Variants in CPNE4 observed in about 807,000 individuals in gnomAD.
CPNE4 encodes the protein copine 4, also known as copine-4.
In CPNE4, 25 loss-of-function variants were observed where a neutral mutation model predicts 67.9. The ratio of observed to expected loss-of-function variants is 0.37; its 90% CI spans 0.27 to 0.51. The LOEUF (loss-of-function observed/expected upper bound fraction) is 0.51. Ranked by LOEUF, CPNE4 falls within the 20% of genes least tolerant of loss-of-function variation. The probability of loss-of-function intolerance (pLI) is 0.93; values close to 1 mark genes in which losing one functional copy is unlikely to be tolerated. For synonymous variants in CPNE4, 242 were observed against 244.9 expected, an observed-to-expected ratio of 0.99 and a Z score of 0.11; for missense variants, 464 against 690.8, an observed-to-expected ratio of 0.67 and a Z score of 3.68.
chr3:131,896,890 G>A (rs1033613581), intron 2 of CPNE4, among the ~76,000 whole-genome samples: 1 of 152,018 alleles, frequency 6.6e-6, no homozygotes, highest in Non-Finnish European at 1.5e-5. Flanking sequence ...AGGAATACTT[G>A]CTCTAAAATC....
chr3:131,854,422 T>C (rs947406873), intron 2 of CPNE4, among the ~76,000 whole-genome samples: 2 of 151,910 alleles, frequency 1.3e-5, no homozygotes, highest in Non-Finnish European at 2.9e-5. Context: ...AACTATTCTA[T>C]ATATTGTTTT....
intron 2 of CPNE4, among the ~76,000 whole-genome samples, chr3:131,891,666 C>T (rs942216490): frequency 3.9e-5 from 6 of 152,080 alleles, no homozygotes; most frequent in Non-Finnish European, 8.8e-5. Context: ...TAAGTGAGAA[C>T]AGGTGGTATT....
intron 2 of CPNE4, among the ~76,000 whole-genome samples, chr3:131,836,771 T>A (rs1003828584): frequency 6.6e-6 from 1 of 152,198 alleles, no homozygotes; most frequent in African/African-American, 2.4e-5. Context: ...GGCACTGTTA[T>A]GAGAATGAAA....
intron 11 of CPNE4, among the ~76,000 whole-genome samples, chr3:131,560,223 G>A (rs764341450): frequency 2.0e-5 from 3 of 151,972 alleles, no homozygotes; most frequent in Non-Finnish European, 1.5e-5. Flanking sequence ...CAAGGGAAGC[G>A]ATACATCTTC....
chr3:131,953,238 TTAAAAAAAAAAAA>T (rs1279921888), intron 1 of CPNE4, among the ~76,000 whole-genome samples: 2 of 75,702 alleles, frequency 2.6e-5, no homozygotes, highest in African/African-American at 5.0e-5. Flanking sequence ...GAATGATCAA[TTAAAAAAAAAAAA>T]AAAAAAAAAA....
intron 1 of CPNE4, among the ~76,000 whole-genome samples, chr3:132,001,492 A>G (rs758957532): frequency 2.6e-5 from 4 of 151,256 alleles, no homozygotes; most frequent in Non-Finnish European, 5.9e-5. Context: ...GGACTGTAAG[A>G]AATGCCAGGA....
intron 9 of CPNE4, among the ~76,000 whole-genome samples, chr3:131,578,040 C>A (rs571095102): frequency 4.6e-5 from 7 of 151,702 alleles, no homozygotes; most frequent in Admixed American, 4.6e-4. Flanking sequence ...TGTGTGTATA[C>A]ACACACACAC....
chr3:131,806,626 G>A (rs1272460441), intron 2 of CPNE4, among the ~76,000 whole-genome samples: 1 of 151,728 alleles, frequency 6.6e-6, no homozygotes, highest in South Asian at 2.1e-4. Context: ...CAATAAACTT[G>A]GTCAGCAGAT....
chr3:131,780,595 A>G (rs866371691), intron 2 of CPNE4, among the ~76,000 whole-genome samples: 3 of 152,104 alleles, frequency 2.0e-5, no homozygotes, highest in Non-Finnish European at 2.9e-5. Flanking sequence ...CAAATACTTC[A>G]CTTATAAGTG....
chr3:131,867,946 A>G (rs1164221657), intron 2 of CPNE4, among the ~76,000 whole-genome samples: 1 of 152,136 alleles, frequency 6.6e-6, no homozygotes. Context: ...ACTTTACCTA[A>G]TAATTGCTGT....
At chr3:131,755,292 A>G (rs2082726016) in intron 2 of CPNE4, among the ~76,000 whole-genome samples, 2 of 152,026 alleles carry the variant, frequency 1.3e-5, no homozygotes, top group African/African-American at 4.8e-5. Flanking sequence ...GTATAAACTA[A>G]GCTATTGGCT....
intron 7 of CPNE4, among the ~76,000 whole-genome samples, chr3:131,649,139 G>T (rs879752141): frequency 2.0e-4 from 30 of 152,192 alleles, no homozygotes; most frequent in Non-Finnish European, 4.0e-4. Flanking sequence ...TTGGTACTTT[G>T]TTCCACAGTA....
At chr3:131,909,624 C>T (rs1237854) in intron 1 of CPNE4, among the ~76,000 whole-genome samples, 149,705 of 152,264 alleles carry the variant, frequency 0.98, 73,663 homozygotes, top group Middle Eastern at 1. Flanking sequence ...CCAAACACCA[C>T]GAAATAGCAG....
chr3:131,971,290 G>T (rs1029618204), intron 1 of CPNE4, among the ~76,000 whole-genome samples: 2 of 152,186 alleles, frequency 1.3e-5, no homozygotes, highest in African/African-American at 4.8e-5. Flanking sequence ...ACCTAGACTT[G>T]TAAGTCCTAG....
At chr3:131,700,048 T>C in intron 3 of CPNE4, 68 bp from the exon 4 acceptor site, 1 of 953,776 alleles carries the variant, frequency 1.0e-6, no homozygotes, top group South Asian at 1.6e-5. Context: ...GATCTATTTT[T>C]TAAACCTTTT....
intron 2 of CPNE4, among the ~76,000 whole-genome samples, chr3:131,867,472 G>A (rs967916028): frequency 6.6e-6 from 1 of 152,222 alleles, no homozygotes; most frequent in African/African-American, 2.4e-5. Context: ...CAGAGGCAAT[G>A]TTGAATGAGC....
chr3:131,544,282 T>G (rs1441806390), intron 14 of CPNE4, among the ~76,000 whole-genome samples: 1 of 152,204 alleles, frequency 6.6e-6, no homozygotes, highest in East Asian at 1.9e-4. Context: ...CATCTGATTT[T>G]GAGAATCATA....
intron 1 of CPNE4, among the ~76,000 whole-genome samples, chr3:131,969,609 AAC>A (rs2072450063): frequency 6.6e-6 from 1 of 152,074 alleles, no homozygotes; most frequent in Admixed American, 6.5e-5. Flanking sequence ...CAGTGCTCTC[AAC>A]ACAGTGGAGA....
intron 2 of CPNE4, among the ~76,000 whole-genome samples, chr3:131,805,672 A>G (rs1022053348): frequency 1.3e-5 from 2 of 152,308 alleles, no homozygotes; most frequent in African/African-American, 4.8e-5. Context: ...TGGTTTCTTC[A>G]TGTAACCTGG....
Sources: gnomAD v4.1 joint callset for allele counts (sites outside exome capture counted in the v4.1 genomes callset) on GRCh38, gnomAD v4.1.1 for gene constraint, MANE v1.5 for transcripts, NCBI Gene and HGNC (gene_info 2026-07-23, HGNC 2026-07-21) for gene names.